The following PUS7 variants were observed in gnomAD, a reference collection of about 807,000 sequenced individuals.
PUS7 encodes pseudouridylate synthase 7 homolog.
PUS7 carries 48 observed loss-of-function variants against 79.8 expected under a neutral mutation model. The observed-to-expected ratio is 0.60, with a 90% CI of 0.48 to 0.76. PUS7 has a LOEUF of 0.76. Among genes scored for constraint, PUS7 ranks in the 30% least tolerant of loss-of-function variants. The pLI is 0.00. For synonymous variants in PUS7, 286 were observed against 272.2 expected, an observed-to-expected ratio of 1.05 and a Z score of -0.50; for missense variants, 729 against 797.6, an observed-to-expected ratio of 0.91 and a Z score of 1.04.
In PUS7 at chr7:105,468,553, T is replaced by C. The variant is rs1008071002; in HGVS notation, c.1399-90A>G. On this transcript the variant is annotated intron_variant, in intron 11 of 15. Transcript: ENST00000469408. ...TTTTTTTTGAGATGGGGTCTTGCTC[T>C]CTTGCCCAGGCTGGAGTGCAGTGGC... is the stretch of plus-strand genomic sequence containing the variant. 9.7e-6 allele frequency: 12 copies of C among 1,232,068 alleles called. 1 individual carries two copies. In the Admixed American group the frequency reaches 1.4e-4, roughly 15 times the overall value. The allele number at this position is 1,232,068 out of a possible 1,614,324, so 76.3% of individuals were successfully genotyped here. A position where few individuals can be genotyped will look rare whatever the true frequency, so the allele number is the denominator to read the frequency against.
chr7:105,472,542 A>T (rs1365663476), intron 9 of PUS7, among the ~76,000 whole-genome samples: 1 of 152,124 alleles, frequency 6.6e-6, no homozygotes, highest in Non-Finnish European at 1.5e-5. Context: ...GTCCTACATC[A>T]TCTCATTAAA....
chr7:105,467,111 C>A (rs1586095018), intron 12 of PUS7, among the ~76,000 whole-genome samples: 1 of 116,380 alleles, frequency 8.6e-6, no homozygotes, highest in Admixed American at 1.1e-4. Context: ...CCTGAAAAAA[C>A]AGAGAAAATA....
intron 11 of PUS7, 155 bp downstream of exon 11, chr7:105,470,533 T>C (rs2133076086): frequency 3.8e-6 from 3 of 790,716 alleles, no homozygotes; most frequent in South Asian, 3.3e-5. Context: ...ACTCAGGGTC[T>C]GAACAAAGAC....
At chr7:105,481,202 G>A (rs1352175637) in intron 8 of PUS7, 25 bp from the exon 9 acceptor site, 2 of 1,589,970 alleles carry the variant, frequency 1.3e-6, no homozygotes, top group Admixed American at 1.8e-5. Flanking sequence ...ATTATCCAGA[G>A]GAAAAAAAGT....
intron 9 of PUS7, among the ~76,000 whole-genome samples, chr7:105,473,801 G>A (rs375442779): frequency 2.6e-4 from 40 of 152,112 alleles, no homozygotes; most frequent in Admixed American, 2.6e-3. Context: ...TGATCAGCCC[G>A]CCTTGGCCTC....
At chr7:105,498,453 A>T (rs1277609711) in intron 5 of PUS7, among the ~76,000 whole-genome samples, 1 of 152,234 alleles carries the variant, frequency 6.6e-6, no homozygotes, top group African/African-American at 2.4e-5. Context: ...TATTTGAAGA[A>T]GGCTGCATCC....
intron 6 of PUS7, among the ~76,000 whole-genome samples, chr7:105,492,906 G>T (rs1824857123): frequency 6.6e-6 from 1 of 152,148 alleles, no homozygotes; most frequent in Non-Finnish European, 1.5e-5. Flanking sequence ...GCCTCCCAAA[G>T]TGCTAGGATT....
intron 1 of PUS7, among the ~76,000 whole-genome samples, chr7:105,516,359 T>C (rs535469242): frequency 2.0e-5 from 3 of 152,330 alleles, no homozygotes; most frequent in South Asian, 2.1e-4. Context: ...CTAGAAGAAC[T>C]GTTCAGAGCT....
chr7:105,478,567 AAGCATCTTT>A (rs1473729757), intron 9 of PUS7, among the ~76,000 whole-genome samples: 1 of 152,188 alleles, frequency 6.6e-6, no homozygotes, highest in Non-Finnish European at 1.5e-5. Flanking sequence ...GATTAGTGAT[AAGCATCTTT>A]TTGTGTGCTT....
At chr7:105,509,759 G>A (rs1368913663) in intron 1 of PUS7, among the ~76,000 whole-genome samples, 1 of 152,168 alleles carries the variant, frequency 6.6e-6, no homozygotes, top group Non-Finnish European at 1.5e-5. Context: ...GAATATAGGT[G>A]TGAGCCACCC....
intron 9 of PUS7, among the ~76,000 whole-genome samples, chr7:105,475,669 T>A (rs1824078315): frequency 6.6e-6 from 1 of 152,174 alleles, no homozygotes; most frequent in African/African-American, 2.4e-5. Flanking sequence ...TCTACCTTCT[T>A]TTATTTTATT....
intron 12 of PUS7, 64 bp from the exon 13 acceptor site, chr7:105,465,478 C>G (rs938824797): frequency 1.1e-4 from 129 of 1,210,774 alleles, no homozygotes; most frequent in Non-Finnish European, 1.2e-4. Context: ...ACTCAATCTT[C>G]TAAAATTATA....
At chr7:105,498,497 T>G (rs1007963343) in intron 5 of PUS7, among the ~76,000 whole-genome samples, 4 of 152,202 alleles carry the variant, frequency 2.6e-5, no homozygotes, top group Non-Finnish European at 4.4e-5. Flanking sequence ...AGTCCCAGTC[T>G]AGCAGAAATG....
In PUS7 at chr7:105,457,919, T is replaced by A; in HGVS notation, c.1857A>T (p.Lys619Asn). 6.2e-7 allele frequency: 1 copy of A among 1,613,508 alleles called. No homozygotes were observed. Among genetic ancestry groups the A allele is most frequent in the Non-Finnish European group, 8.5e-7 (1 of 1,179,732 alleles). The change falls in exon 16 of 16, where the codon AAA becomes AAT. Residue 619 changes from lysine (K) to asparagine (N), a missense_variant. Physicochemically the swap from Lys to Asn is moderately conservative, Grantham distance 94. Transcript: ENST00000469408. ...AAAAATCCATTTTCAGAGCCCTGTA[T>A]TTGCCTTCTGCAAGGCAAGAAAGAA... The part of the protein sequence containing the change: ...KTPPVFASEG[K>N]YRALKMDFSL...
At chr7:105,476,123 CAAA>C (rs958626613) in intron 9 of PUS7, among the ~76,000 whole-genome samples, 1,468 of 39,088 alleles carry the variant, frequency 0.038, 23 homozygotes, top group African/African-American at 0.087. Flanking sequence ...GACTCCGTCT[CAAA>C]AAAAAAAAAA....
intron 6 of PUS7, among the ~76,000 whole-genome samples, chr7:105,493,224 G>A (rs532443179): frequency 5.3e-5 from 8 of 152,198 alleles, no homozygotes; most frequent in Non-Finnish European, 1.2e-4. Context: ...CAAATGAAAT[G>A]CTAAAACTGG....
chr7:105,471,191 A>G (rs1823859930), intron 10 of PUS7, among the ~76,000 whole-genome samples: 1 of 152,240 alleles, frequency 6.6e-6, no homozygotes, highest in South Asian at 2.1e-4. Flanking sequence ...CCTTAAAATT[A>G]GATAATTTTA....
At chr7:105,461,955 A>G (rs1823445791) in intron 14 of PUS7, among the ~76,000 whole-genome samples, 1 of 152,088 alleles carries the variant, frequency 6.6e-6, no homozygotes, top group South Asian at 2.1e-4. Flanking sequence ...AGGTGGGAGG[A>G]TTGCTTGAGC....
chr7:105,487,472 G>T (rs912366574), intron 7 of PUS7, among the ~76,000 whole-genome samples: 2 of 152,052 alleles, frequency 1.3e-5, no homozygotes, highest in Non-Finnish European at 2.9e-5. Context: ...TTGAATATAC[G>T]ATAGACATCC....
Sources: allele counts gnomAD v4.1 joint callset (sites outside exome capture counted in the v4.1 genomes callset), GRCh38; gene constraint gnomAD v4.1.1; transcripts MANE v1.5; gene names NCBI Gene and HGNC (gene_info 2026-07-23, HGNC 2026-07-21).